Variants in RAF1 observed in about 807,000 individuals in gnomAD.
RAF1 encodes the protein RAF proto-oncogene serine/threonine-protein kinase.
In RAF1, 27 loss-of-function variants were observed where a neutral mutation model predicts 81.1. The observed-to-expected ratio is 0.33, with a 90% CI of 0.25 to 0.46. The LOEUF is 0.46. Among genes scored for constraint, RAF1 ranks in the 20% least tolerant of loss-of-function variants. The pLI is 1.00. For missense variants in RAF1, 598 were observed against 826.0 expected (o/e 0.72, Z 3.38); for synonymous variants, 298 against 294.0 (o/e 1.01, Z -0.14).
intron 3 of RAF1, among the ~76,000 whole-genome samples, chr3:12,611,469 TCA>T (rs1214445225): frequency 1.3e-5 from 2 of 152,176 alleles, no homozygotes; most frequent in African/African-American, 4.8e-5. Flanking sequence ...CCCTCTTGCC[TCA>T]GTTTCCCAGT....
At chr3:12,622,400 C>G (rs986514181) in intron 1 of RAF1, among the ~76,000 whole-genome samples, 1 of 152,178 alleles carries the variant, frequency 6.6e-6, no homozygotes, top group Non-Finnish European at 1.5e-5. Context: ...AACTCCCTGA[C>G]AAGGCGTCTA....
chr3:12,605,718 GAGAC>G (rs1242784466), intron 6 of RAF1, among the ~76,000 whole-genome samples: 3 of 152,112 alleles, frequency 2.0e-5, no homozygotes, highest in African/African-American at 2.4e-5. Context: ...TGCAAACTCA[GAGAC>G]ACATGAGAAA....
At chr3:12,659,772 C>G (rs1258759736) in intron 1 of RAF1, among the ~76,000 whole-genome samples, 6 of 152,136 alleles carry the variant, frequency 3.9e-5, no homozygotes, top group African/African-American at 1.4e-4. Flanking sequence ...CACTGCCTTT[C>G]AAAGGCAATA....
chr3:12,591,987 A>G, intron 11 of RAF1, 195 bp from the exon 11 acceptor site: 1 of 618,672 alleles, frequency 1.6e-6, no homozygotes. Flanking sequence ...GCAGTGGCAC[A>G]TTGCAGCCTT....
At chr3:12,599,888 C>A (rs2125379124) in intron 10 of RAF1, 80 bp from the exon 10 acceptor site, 2 of 1,241,256 alleles carry the variant, frequency 1.6e-6, no homozygotes, top group South Asian at 1.2e-5. Flanking sequence ...AGGATCAACC[C>A]ATGTCATCTG....
chr3:12,622,874 C>T (rs1166176341), intron 1 of RAF1, among the ~76,000 whole-genome samples: 1 of 152,096 alleles, frequency 6.6e-6, no homozygotes, highest in East Asian at 1.9e-4. Flanking sequence ...TTAAAAAATA[C>T]TTTGTCAGCC....
intron 3 of RAF1, among the ~76,000 whole-genome samples, chr3:12,610,815 A>G (rs1280598434): frequency 6.6e-6 from 1 of 152,172 alleles, no homozygotes; most frequent in African/African-American, 2.4e-5. Flanking sequence ...GGGTGGAGGG[A>G]ATAATGGATA....
At chr3:12,622,129 T>C (rs990656400) in intron 1 of RAF1, among the ~76,000 whole-genome samples, 1 of 152,322 alleles carries the variant, frequency 6.6e-6, no homozygotes, top group Non-Finnish European at 1.5e-5. Context: ...CCCAGGTTAC[T>C]ATGAGGTCCC....
intron 1 of RAF1, among the ~76,000 whole-genome samples, chr3:12,634,728 G>A (rs1159114837): frequency 6.6e-6 from 1 of 152,140 alleles, no homozygotes; most frequent in Non-Finnish European, 1.5e-5. Context: ...AGAGCAGAGA[G>A]AGGGAAGGAG....
chr3:12,605,251 T>A (rs184366470), intron 6 of RAF1, among the ~76,000 whole-genome samples: 261 of 21,628 alleles, frequency 0.012, 2 homozygotes, highest in African/African-American at 0.063. Context: ...TTACACATTA[T>A]GTGTGTGTGT....
At chr3:12,628,762 G>GAC (rs1457547194) in intron 1 of RAF1, among the ~76,000 whole-genome samples, 1 of 126,390 alleles carries the variant, frequency 7.9e-6, no homozygotes, top group Non-Finnish European at 1.7e-5. Flanking sequence ...GGGGGGGGGG[G>GAC]GTGGCGGGGC....
At chr3:12,644,894 G>A (rs996246680) in intron 1 of RAF1, among the ~76,000 whole-genome samples, 6 of 151,812 alleles carry the variant, frequency 4.0e-5, no homozygotes, top group Non-Finnish European at 8.8e-5. Context: ...GGTCAAGAGA[G>A]CCAGACCATC....
rs530100754 is a variant in RAF1, at chr3:12,600,723, G to A, written c.895-308C>T. On this transcript the variant is annotated intron_variant, in intron 8 of 17. Coordinates refer to ENST00000442415, the MANE Select transcript of RAF1 (RefSeq NM_001354689.3). ...ATTACAGGTGTGCACCAGCACGCCCGGCTAATTTTTGCATTTTTAGTAGAG... is the reference window on the plus strand; with the variant it reads ...ATTACAGGTGTGCACCAGCACGCCCAGCTAATTTTTGCATTTTTAGTAGAG... Among the ~76,000 whole-genome samples, 62 of 152,242 alleles carry A rather than the reference G, an allele frequency of 4.1e-4. No homozygotes were observed. Among genetic ancestry groups the A allele is most frequent in the African/African-American group, 1.4e-3 (59 of 41,548 alleles).
chr3:12,632,678 G>A (rs2059899460), intron 1 of RAF1, among the ~76,000 whole-genome samples: 1 of 152,164 alleles, frequency 6.6e-6, no homozygotes, highest in Non-Finnish European at 1.5e-5. Context: ...TTCCCGAAGA[G>A]CTCTCTGAAA....
In RAF1 at chr3:12,585,534, A is replaced by G; in HGVS notation, c.1596+147T>C. 3 of 1,395,710 alleles carry G rather than the reference A, an allele frequency of 2.1e-6. No individual in the cohort carries two copies. In the South Asian group the frequency reaches 3.7e-5, roughly 17 times the overall value. The allele number at this position is 1,395,710 out of a possible 1,614,324, so 86.5% of individuals were successfully genotyped here. A position where few individuals can be genotyped will look rare whatever the true frequency, so the allele number is the denominator to read the frequency against. On this transcript the variant is annotated intron_variant, in intron 15 of 17. Coordinates refer to ENST00000442415, the MANE Select transcript of RAF1 (RefSeq NM_001354689.3). ...TCTGATCAACAGCTTCCTCAAGAAAATCTACAATTGCCCTGAGGCTGGCTG... is the reference window on the plus strand; with the variant it reads ...TCTGATCAACAGCTTCCTCAAGAAAGTCTACAATTGCCCTGAGGCTGGCTG...
intron 1 of RAF1, among the ~76,000 whole-genome samples, chr3:12,629,752 T>C (rs1410182270): frequency 6.6e-6 from 1 of 152,312 alleles, no homozygotes; most frequent in East Asian, 1.9e-4. Flanking sequence ...CTCTTTCCTC[T>C]ACTCTGATAA....
chr3:12,652,758 T>C (rs1435263646), intron 1 of RAF1, among the ~76,000 whole-genome samples: 7 of 150,480 alleles, frequency 4.7e-5, no homozygotes, highest in Admixed American at 4.6e-4. Context: ...GACCAGCCTG[T>C]CCAACATGGT....
chr3:12,641,867 C>T (rs899211633), intron 1 of RAF1, among the ~76,000 whole-genome samples: 2 of 152,070 alleles, frequency 1.3e-5, no homozygotes, highest in African/African-American at 2.4e-5. Context: ...TTAAAATAGT[C>T]CCATAGGAAC....
At chr3:12,584,768 C>T in intron 17 of RAF1, 79 bp downstream of exon 16, 1 of 1,613,602 alleles carries the variant, frequency 6.2e-7, no homozygotes, top group Admixed American at 1.7e-5. Context: ...TAAAACAAAA[C>T]AAAACACTCC....
Sources: gnomAD v4.1 joint callset for allele counts (sites outside exome capture counted in the v4.1 genomes callset) on GRCh38, gnomAD v4.1.1 for gene constraint, MANE v1.5 for transcripts, NCBI Gene and HGNC (gene_info 2026-07-23, HGNC 2026-07-21) for gene names.